Variants in XDH observed in about 807,000 individuals in gnomAD.
The protein encoded by XDH is xanthine dehydrogenase/oxidase.
XDH carries 138 observed loss-of-function variants against 156.1 expected under a neutral mutation model. The ratio of observed to expected loss-of-function variants is 0.88; its 90% CI spans 0.77 to 1.02. XDH has a LOEUF of 1.02. Among genes scored for constraint, XDH ranks in the 50% least tolerant of loss-of-function variants. The pLI, the probability that XDH is intolerant of heterozygous loss-of-function variation, is 0.00. For synonymous variants in XDH, 669 were observed against 625.7 expected (o/e 1.07, Z -1.03); for missense variants, 1,849 against 1,684.9 (o/e 1.10, Z -1.71).
intron 20 of XDH, 67 bp downstream of exon 20, chr2:31,367,894 A>C: frequency 6.9e-7 from 1 of 1,447,770 alleles, no homozygotes; most frequent in African/African-American, 1.4e-5. Context: ...GGTTCAATGC[A>C]TATCTCTTGA....
chr2:31,371,356 A>T (rs923983947), intron 17 of XDH, among the ~76,000 whole-genome samples: 1 of 152,214 alleles, frequency 6.6e-6, no homozygotes, highest in Admixed American at 6.5e-5. Flanking sequence ...GACTCAAGGA[A>T]GTTAGGTAGT....
chr2:31,377,375 T>A, intron 13 of XDH, 138 bp from the exon 14 acceptor site: 1 of 881,032 alleles, frequency 1.1e-6, no homozygotes, highest in Non-Finnish European at 1.8e-6. Context: ...GCCCCGGGAA[T>A]CAAAGATCAA....
rs1685561924 is a variant in XDH, at chr2:31,354,026, C to A, written c.2632-3803G>T. 2.6e-5 allele frequency among the ~76,000 whole-genome samples: 4 copies of A among 152,230 alleles called. 1 individual carries two copies. In the Middle Eastern group the frequency reaches 0.014, roughly 518 times the overall value. ...CTCTTCCCTTCCTTTCTGGTTGTGT[C>A]AGAAAAAGTCTAGTGAAGAGTCAAG... On this transcript the variant is annotated intron_variant, in intron 24 of 35. Coordinates refer to ENST00000379416, the MANE Select transcript of XDH (RefSeq NM_000379.4).
At chr2:31,402,430 T>G (rs1687085242) in intron 3 of XDH, among the ~76,000 whole-genome samples, 1 of 152,204 alleles carries the variant, frequency 6.6e-6, no homozygotes, top group Non-Finnish European at 1.5e-5. Context: ...GTATCATGCC[T>G]GAGTTTACAT....
chr2:31,414,696 G>C lies in XDH; in HGVS notation c.-30C>G. The C allele has an allele frequency of 6.2e-7, 1 of 1,613,994 alleles. No individual in the cohort carries two copies. ...ACAGGTTGGGGTCCCCGAACTCCAG[G>C]TACCTCACTCCTAAGAGACACTGGC... is the stretch of plus-strand genomic sequence containing the variant. On this transcript the variant is annotated 5_prime_UTR_variant, in exon 1 of 36. Transcript: ENST00000379416.
At chr2:31,349,082 A>G in intron 26 of XDH, 102 bp from the exon 27 acceptor site, 1 of 1,174,860 alleles carries the variant, frequency 8.5e-7, no homozygotes, top group South Asian at 1.3e-5. Context: ...GGGGTTGCCC[A>G]CAAAGATGAG....
At position 31,367,972 on chromosome 2, in the gene XDH, T is replaced by C. The variant is rs972346740; in HGVS notation, c.2186A>G (p.Asn729Ser). 1 of 1,614,114 alleles carries C rather than the reference T, an allele frequency of 6.2e-7. No individual in the cohort carries two copies. Among genetic ancestry groups the C allele is most frequent in the Non-Finnish European group, 8.5e-7 (1 of 1,179,972 alleles). ...DLKKGFSEAD[N>S]VVSGEIYIGG... Reference sequence around the variant, plus strand: ...TGGAACAGCTCTACCTGACACAACATTATCTGCTTCGGAAAACCCCTTCTT... The same window carrying C: ...TGGAACAGCTCTACCTGACACAACACTATCTGCTTCGGAAAACCCCTTCTT... The change falls in exon 20 of 36, where the codon AAT (asparagine) becomes AGT (serine). Residue 729 changes from asparagine (N) to serine (S), a missense_variant. Physicochemically the swap from Asn to Ser is conservative, Grantham distance 46. Coordinates refer to ENST00000379416, the MANE Select transcript of XDH (RefSeq NM_000379.4).
chr2:31,388,989 C>G (rs1440063228), intron 6 of XDH, among the ~76,000 whole-genome samples: 1 of 152,152 alleles, frequency 6.6e-6, no homozygotes, highest in Non-Finnish European at 1.5e-5. Flanking sequence ...TCACTACCAC[C>G]CAGCACCGAG....
At chr2:31,402,570 T>C (rs1295824066) in intron 3 of XDH, among the ~76,000 whole-genome samples, 1 of 151,932 alleles carries the variant, frequency 6.6e-6, no homozygotes, top group Non-Finnish European at 1.5e-5. Flanking sequence ...CTAGTAAGAG[T>C]TAGTCAGATA....
In XDH at chr2:31,349,702, C is replaced by A. The variant is rs771050215; in HGVS notation, c.2953G>T (p.Val985Phe). The change falls in exon 26 of 36, where the codon GTT becomes TTT. Residue 985 changes from valine (V) to phenylalanine (F), a missense_variant. Coordinates refer to ENST00000379416, the MANE Select transcript of XDH (RefSeq NM_000379.4). ...SSQYHARKSE[V>F]DKFNKENCWK... ...AGTGCTTACTTGTTGAACTTGTCAACCTCACTCTTCCGAGCATGATACTGA... is the reference window on the plus strand; with the variant it reads ...AGTGCTTACTTGTTGAACTTGTCAAACTCACTCTTCCGAGCATGATACTGA... The A allele has an allele frequency of 2.2e-5, 36 of 1,614,022 alleles. 1 individual carries two copies. The South Asian group carries it at 3.7e-4, about 17-fold the overall frequency.
At position 31,387,051 on chromosome 2, in the gene XDH, T is replaced by C. The variant is rs552514196; in HGVS notation, c.652-496A>G. 8.1e-4 allele frequency among the ~76,000 whole-genome samples: 117 copies of C among 144,236 alleles called. 1 individual carries two copies. Among genetic ancestry groups the C allele is most frequent in the Non-Finnish European group, 1.6e-3 (108 of 65,928 alleles). 94.6% of individuals were successfully genotyped at this position (144,236 alleles called of 152,430 possible). ...AGGAAGGAAGGAAGGAAGGAGTTTG[T>C]TATAAGGGGATGCCTAGGAAGGCTG... On this transcript the variant is annotated intron_variant, in intron 8 of 35. Transcript: ENST00000379416.
chr2:31,385,848 C>A lies in XDH; in HGVS notation c.793+566G>T, dbSNP rs796454935. Among the ~76,000 whole-genome samples, 10 of 152,310 alleles carry A rather than the reference C, an allele frequency of 6.6e-5. 1 individual carries two copies. Among genetic ancestry groups the A allele is most frequent in the African/African-American group, 2.4e-4 (10 of 41,568 alleles). On this transcript the variant is annotated intron_variant, in intron 9 of 35. Transcript: ENST00000379416. ...TCTCCTCTTCTTTACCTTATCACAT[C>A]CTCCCCCAGAAAAAGTGGGGTGGTG...
At chr2:31,364,465 C>T (rs558404454) in intron 23 of XDH, among the ~76,000 whole-genome samples, 1 of 152,114 alleles carries the variant, frequency 6.6e-6, no homozygotes, top group East Asian at 1.9e-4. Flanking sequence ...GCTCCCCACC[C>T]CTGGAAGCCC....
In XDH at chr2:31,386,341, G is replaced by A. The variant is rs901840823; in HGVS notation, c.793+73C>T. 17 of 1,591,398 alleles carry A rather than the reference G, an allele frequency of 1.1e-5. No individual in the cohort carries two copies. In the Admixed American group the frequency reaches 1.2e-4, roughly 11 times the overall value. On this transcript the variant is annotated intron_variant, in intron 9 of 35. Coordinates refer to ENST00000379416, the MANE Select transcript of XDH (RefSeq NM_000379.4). ...GAGGCAAGTAAAGTCAGGGGGAGGTGAGGATGGGCAAGAGGACCTAGAAAC... is the reference window on the plus strand; with the variant it reads ...GAGGCAAGTAAAGTCAGGGGGAGGTAAGGATGGGCAAGAGGACCTAGAAAC...
chr2:31,385,266 G>A (rs1686555633), intron 9 of XDH, among the ~76,000 whole-genome samples: 1 of 152,188 alleles, frequency 6.6e-6, no homozygotes. Context: ...TGAGCTACAT[G>A]AGCCATGAGT....
chr2:31,365,655 G>A, intron 22 of XDH, 111 bp from the exon 23 acceptor site: 3 of 1,292,958 alleles, frequency 2.3e-6, no homozygotes, highest in Non-Finnish European at 3.4e-6. Flanking sequence ...TGCACGCTGA[G>A]CAGACCTGTA....
At chr2:31,411,957 A>AAGTGAGTGAGTG (rs45455193) in intron 1 of XDH, among the ~76,000 whole-genome samples, 95 of 150,452 alleles carry the variant, frequency 6.3e-4, no homozygotes, top group Middle Eastern at 3.4e-3. Context: ...AATGATGAGT[A>AAGTGAGTGAGTG]AGTGAGTGAG....
At chr2:31,368,165 T>C in intron 19 of XDH, 108 bp from the exon 20 acceptor site, 1 of 999,674 alleles carries the variant, frequency 1.0e-6, no homozygotes, top group South Asian at 1.3e-5. Flanking sequence ...TCTCTTTCCA[T>C]AAATGAATCT....
intron 14 of XDH, among the ~76,000 whole-genome samples, chr2:31,375,866 T>C (rs1167310478): frequency 6.6e-6 from 1 of 152,204 alleles, no homozygotes; most frequent in Non-Finnish European, 1.5e-5. Context: ...TTTGAAAATG[T>C]AGTAAGCAAA....
Sources: allele counts gnomAD v4.1 joint callset (sites outside exome capture counted in the v4.1 genomes callset), GRCh38; gene constraint gnomAD v4.1.1; transcripts MANE v1.5; gene names NCBI Gene and HGNC (gene_info 2026-07-23, HGNC 2026-07-21).